The following MYBPC1 variants were observed in gnomAD, a reference collection of about 807,000 sequenced individuals.
The protein encoded by MYBPC1 is myosin-binding protein C, slow-type.
Under a neutral mutation model 147.1 loss-of-function variants are expected in MYBPC1, and 52 were observed. The ratio of observed to expected loss-of-function variants is 0.35; its 90% CI spans 0.28 to 0.45. MYBPC1 has a LOEUF of 0.45. Among genes scored for constraint, MYBPC1 ranks in the 20% least tolerant of loss-of-function variants. The pLI is 1.00. For synonymous variants in MYBPC1, 477 were observed against 475.9 expected (o/e 1.00, Z -0.03); for missense variants, 1,228 against 1,440.3 (o/e 0.85, Z 2.39).
At chr12:101,678,539 G>T (rs1324809245) in intron 28 of MYBPC1, among the ~76,000 whole-genome samples, 4 of 152,216 alleles carry the variant, frequency 2.6e-5, no homozygotes, top group Non-Finnish European at 5.9e-5. Flanking sequence ...AAATTAGGTG[G>T]TAATGTCAAG....
At chr12:101,609,893 T>G (rs1319693046) in intron 1 of MYBPC1, among the ~76,000 whole-genome samples, 3 of 152,178 alleles carry the variant, frequency 2.0e-5, no homozygotes, top group Non-Finnish European at 4.4e-5. Flanking sequence ...TGGTCCCTAT[T>G]CAGTGAGGTA....
the MYBPC1 span, among the ~76,000 whole-genome samples, chr12:101,695,226 C>T: frequency 5.3e-5 from 8 of 152,144 alleles, no homozygotes; most frequent in Admixed American, 5.2e-4. Flanking sequence ...ACAACTGTTG[C>T]CTGAAACTAT....
intron 28 of MYBPC1, among the ~76,000 whole-genome samples, chr12:101,679,148 CAAA>C (rs61500343): frequency 8.5e-5 from 9 of 105,960 alleles, no homozygotes; most frequent in East Asian, 2.7e-4. Context: ...GACTCCGTCT[CAAA>C]AAAAAAAAAA....
intron 10 of MYBPC1, among the ~76,000 whole-genome samples, chr12:101,641,396 C>G (rs549246802): frequency 7.9e-5 from 12 of 152,040 alleles, no homozygotes; most frequent in African/African-American, 2.9e-4. Context: ...TTATACTAAG[C>G]CTGTTTTCCA....
chr12:101,649,575 A>G, intron 15 of MYBPC1, 149 bp downstream of exon 15: 2 of 883,642 alleles, frequency 2.3e-6, no homozygotes, highest in Middle Eastern at 3.2e-4. Context: ...TGTCTATGTC[A>G]GATCAATCAG....
At chr12:101,626,735 C>T in intron 3 of MYBPC1, 137 bp from the exon 4 acceptor site, 39 of 763,540 alleles carry the variant, frequency 5.1e-5, no homozygotes, top group South Asian at 1.4e-4. Flanking sequence ...TTTCAGGTAC[C>T]AAGTTTTCTA....
At chr12:101,603,093 C>T (rs1676696505) in intron 1 of MYBPC1, among the ~76,000 whole-genome samples, 1 of 152,108 alleles carries the variant, frequency 6.6e-6, no homozygotes, top group Non-Finnish European at 1.5e-5. Flanking sequence ...GCCTATAATC[C>T]CAGCACTTTG....
At chr12:101,687,301 C>T (rs561211227), downstream of MYBPC1, among the ~76,000 whole-genome samples, 77 of 152,150 alleles carry the variant, frequency 5.1e-4, no homozygotes, top group Non-Finnish European at 9.1e-4. Context: ...TCAGCTCCCA[C>T]CTATGAGTGA....
chr12:101,628,151 T>G, intron 5 of MYBPC1: 1 of 321,404 alleles, frequency 3.1e-6, no homozygotes, highest in South Asian at 2.7e-5. Flanking sequence ...TAAAACATTT[T>G]CAAATGCATC....
At chr12:101,671,180 G>A (rs755967227) in intron 24 of MYBPC1, among the ~76,000 whole-genome samples, 32 of 152,196 alleles carry the variant, frequency 2.1e-4, no homozygotes, top group South Asian at 1.2e-3. Context: ...TAGTGTGACT[G>A]GAGAAATAAA....
the MYBPC1 span, among the ~76,000 whole-genome samples, chr12:101,694,613 C>T: frequency 6.6e-6 from 1 of 152,214 alleles, no homozygotes; most frequent in African/African-American, 2.4e-5. Flanking sequence ...TGGCCATCTG[C>T]AAGCCAGGAA....
Position 101,614,557 on chromosome 12 carries a change from C to A in MYBPC1, c.61+26C>A, listed in dbSNP as rs369360971. 13 of 1,611,758 alleles carry A rather than the reference C, an allele frequency of 8.1e-6. 1 individual carries two copies. The highest frequency in any genetic ancestry group is 1.1e-5 in the Non-Finnish European group (13 of 1,179,034). On this transcript the variant is annotated intron_variant, in intron 2 of 31. Coordinates refer to ENST00000361466, the MANE Select transcript of MYBPC1 (RefSeq NM_002465.4). ...GTGAGTAAAAACACTCACTCACACA[C>A]GTTTGGGCTGCAAATACAGAGGGTC...
chr12:101,681,991 T>C (rs1951033040), intron 29 of MYBPC1, among the ~76,000 whole-genome samples: 1 of 152,188 alleles, frequency 6.6e-6, no homozygotes, highest in Non-Finnish European at 1.5e-5. Context: ...TTGATTTTTT[T>C]TTCCTCACAA....
chr12:101,633,691 A>AC lies in MYBPC1; in HGVS notation c.557-863_557-862insC, dbSNP rs1409850402. Among the ~76,000 whole-genome samples, 8 of 146,436 alleles carry AC rather than the reference A, an allele frequency of 5.5e-5. No homozygotes were observed. The East Asian group carries it at 1.4e-3, about 26-fold the overall frequency. ...AACAGAGTGAGACTCCGTCTCAACA[A>AC]AAAAAAAAAAGGACGAGCTCTTCGG... On this transcript the variant is annotated intron_variant, in intron 8 of 31. Transcript: ENST00000361466.
downstream of MYBPC1, among the ~76,000 whole-genome samples, chr12:101,690,172 T>C (rs1315354511): frequency 6.6e-6 from 1 of 151,234 alleles, no homozygotes. Context: ...TGAGACTCCA[T>C]CTAAAAAAAA....
intron 20 of MYBPC1, 63 bp from the exon 21 acceptor site, chr12:101,662,295 T>C (rs756348276): frequency 1.0e-5 from 16 of 1,555,752 alleles, no homozygotes; most frequent in Non-Finnish European, 1.4e-5. Context: ...ACTTCTATTA[T>C]CTGACAATGT....
At chr12:101,660,064 A>G (rs1896264415) in intron 19 of MYBPC1, 1 of 557,450 alleles carries the variant, frequency 1.8e-6, no homozygotes, top group Non-Finnish European at 3.2e-6. Context: ...CCCTTTAAAC[A>G]TCACTGAAAC....
At chr12:101,649,686 C>A (rs1037139220) in intron 15 of MYBPC1, among the ~76,000 whole-genome samples, 1 of 151,922 alleles carries the variant, frequency 6.6e-6, no homozygotes, top group African/African-American at 2.4e-5. Flanking sequence ...ATTCCAAGAC[C>A]GTAAAAATAG....
At chr12:101,658,271 C>T (rs534594799) in intron 18 of MYBPC1, among the ~76,000 whole-genome samples, 1 of 151,820 alleles carries the variant, frequency 6.6e-6, no homozygotes, top group East Asian at 1.9e-4. Flanking sequence ...ACTACATCAA[C>T]AGGCTAAAGG....
Sources: gnomAD v4.1 joint callset for allele counts (sites outside exome capture counted in the v4.1 genomes callset) on GRCh38, gnomAD v4.1.1 for gene constraint, MANE v1.5 for transcripts, NCBI Gene and HGNC (gene_info 2026-07-23, HGNC 2026-07-21) for gene names.